The following KCND3 variants were observed in gnomAD, a reference collection of about 807,000 sequenced individuals.
The protein encoded by KCND3 is potassium voltage-gated channel subfamily D member 3, also known as A-type voltage-gated potassium channel KCND3.
A neutral mutation model predicts 51.1 loss-of-function variants in KCND3; 9 were observed. The observed-to-expected ratio is 0.18, with a 90% CI of 0.11 to 0.31. KCND3 has a LOEUF of 0.31. Ranked by LOEUF, KCND3 falls within the 10% of genes least tolerant of loss-of-function variation. KCND3 has a pLI of 1.00. For synonymous variants in KCND3, 349 were observed against 368.0 expected, an observed-to-expected ratio of 0.95 and a Z score of 0.59; for missense variants, 526 against 903.8, an observed-to-expected ratio of 0.58 and a Z score of 5.36.
intron 2 of KCND3, among the ~76,000 whole-genome samples, chr1:111,825,075 A>G (rs1445244461): frequency 1.3e-5 from 2 of 152,230 alleles, no homozygotes; most frequent in African/African-American, 2.4e-5. Context: ...TGGTATCACT[A>G]GAAAGATTGA....
At chr1:111,827,735 A>G (rs1428771009) in intron 2 of KCND3, among the ~76,000 whole-genome samples, 1 of 152,178 alleles carries the variant, frequency 6.6e-6, no homozygotes, top group South Asian at 2.1e-4. Context: ...CAAAGTCTGT[A>G]TATTATCTTC....
chr1:111,783,133 C>T (rs1664455232), intron 3 of KCND3, among the ~76,000 whole-genome samples: 1 of 149,640 alleles, frequency 6.7e-6, no homozygotes, highest in Non-Finnish European at 1.5e-5. Context: ...TCACCCTCTT[C>T]CATGGCCTTA....
intron 2 of KCND3, among the ~76,000 whole-genome samples, chr1:111,861,565 C>T (rs545216698): frequency 1.3e-4 from 20 of 152,220 alleles, no homozygotes; most frequent in African/African-American, 4.1e-4. Flanking sequence ...CCTGTGTTTA[C>T]GGAGGGAAGC....
chr1:111,780,600 G>T lies in KCND3; in HGVS notation c.1371+90C>A. The T allele has an allele frequency of 2.6e-6, 3 of 1,156,428 alleles. No individual in the cohort carries two copies. Among genetic ancestry groups the T allele is most frequent in the Non-Finnish European group, 2.5e-6 (2 of 787,334 alleles). 71.6% of individuals were successfully genotyped at this position (1,156,428 alleles called of 1,614,324 possible). A position where few individuals can be genotyped will look rare whatever the true frequency, so the allele number is the denominator to read the frequency against. On this transcript the variant is annotated intron_variant, in intron 4 of 7. Coordinates refer to ENST00000302127, the MANE Select transcript of KCND3 (RefSeq NM_001378969.1). The surrounding 1 kb of genome is among the most constrained non-coding windows in gnomAD (Gnocchi z 4.2). Reference sequence around the variant, plus strand: ...TGTCCTCCTTGGGGTTCATACTGGGGCTCTGGTGAGAGTGCTGGTGTCCCG... The same window carrying T: ...TGTCCTCCTTGGGGTTCATACTGGGTCTCTGGTGAGAGTGCTGGTGTCCCG...
At chr1:111,798,376 T>C (rs1665151489) in intron 2 of KCND3, among the ~76,000 whole-genome samples, 2 of 152,102 alleles carry the variant, frequency 1.3e-5, no homozygotes, top group South Asian at 4.2e-4. Context: ...TTCCCTGACT[T>C]CCCCAGGCAG....
intron 2 of KCND3, among the ~76,000 whole-genome samples, chr1:111,899,864 G>A (rs1358902432): frequency 6.6e-6 from 1 of 152,150 alleles, no homozygotes; most frequent in Non-Finnish European, 1.5e-5. Context: ...ATACTCACAA[G>A]CAGATTCCTG....
At chr1:111,881,637 C>A (rs372175579) in intron 2 of KCND3, among the ~76,000 whole-genome samples, 13 of 152,154 alleles carry the variant, frequency 8.5e-5, no homozygotes, top group African/African-American at 2.9e-4. Context: ...CATGGGAGTC[C>A]GGGGCAGCCC....
rs558761825 is a variant in KCND3 at position 111,924,581 on chromosome 1, G to T, written c.1106+57040C>A. Among the ~76,000 whole-genome samples the T allele has an allele frequency of 5.9e-5, 9 of 152,298 alleles. No homozygotes were observed. In the South Asian group the frequency reaches 1.9e-3, roughly 32 times the overall value. On this transcript the variant is annotated intron_variant, in intron 2 of 7. Transcript: ENST00000302127. ...AGCCATCCCAGCACAATGGCCAAAG[G>T]TCCCTCATACTTAGAAAATGCCTCC...
intron 1 of KCND3, among the ~76,000 whole-genome samples, chr1:111,984,817 C>T (rs1341915722): frequency 6.6e-6 from 1 of 152,108 alleles, no homozygotes; most frequent in Non-Finnish European, 1.5e-5. Flanking sequence ...TATCCTTCCC[C>T]TGGACCCCTC....
At chr1:111,965,663 C>T (rs1400584522) in intron 2 of KCND3, among the ~76,000 whole-genome samples, 2 of 152,158 alleles carry the variant, frequency 1.3e-5, no homozygotes, top group African/African-American at 4.8e-5. Flanking sequence ...CCCCTTGCAG[C>T]CCCTATCTGG....
At chr1:111,963,895 G>A (rs1673815147) in intron 2 of KCND3, among the ~76,000 whole-genome samples, 1 of 152,180 alleles carries the variant, frequency 6.6e-6, no homozygotes, top group Non-Finnish European at 1.5e-5. Context: ...AGGGCTTCCT[G>A]CCTAAGCAAA....
intron 2 of KCND3, among the ~76,000 whole-genome samples, chr1:111,800,823 T>C (rs1484120498): frequency 4.6e-5 from 7 of 152,250 alleles, no homozygotes; most frequent in African/African-American, 1.7e-4. Flanking sequence ...GGAGCCATGC[T>C]GGCAGGTAGA....
intron 1 of KCND3, among the ~76,000 whole-genome samples, chr1:111,988,504 G>T (rs1227180553): frequency 6.6e-6 from 1 of 152,154 alleles, no homozygotes; most frequent in East Asian, 1.9e-4. Flanking sequence ...TTCCCTTCCT[G>T]TGTGCCAACA....
chr1:111,982,124 C>T lies in KCND3; in HGVS notation c.603G>A (p.Val201=). Residue 201 remains valine, a synonymous_variant, in exon 2 of 8, where the codon GTG becomes GTA. Coordinates refer to ENST00000302127, the MANE Select transcript of KCND3 (RefSeq NM_001378969.1). This position sits in a 1 kb window ranked among gnomAD's most constrained non-coding sequence, Gnocchi z 8.5. The stretch of plus-strand genomic sequence containing the variant: ...CCGTGCCGCACGGCACCGTCTCCAC[C>T]ACGTTGGTGATGACCGAGACAGCGA... ...FFIAVSVITN[V]VETVPCGTVP... 2 of 1,613,912 alleles carry T rather than the reference C, an allele frequency of 1.2e-6. No homozygotes were observed. Among genetic ancestry groups the T allele is most frequent in the Non-Finnish European group, 1.7e-6 (2 of 1,180,008 alleles).
chr1:111,987,458 A>G (rs1002645501), intron 1 of KCND3, among the ~76,000 whole-genome samples: 2 of 152,152 alleles, frequency 1.3e-5, no homozygotes, highest in Non-Finnish European at 2.9e-5. Context: ...CCCCTGGTAA[A>G]ACATACCAAA....
At chr1:111,861,612 A>T (rs1343196833) in intron 2 of KCND3, among the ~76,000 whole-genome samples, 2 of 152,242 alleles carry the variant, frequency 1.3e-5, no homozygotes, top group East Asian at 3.9e-4. Flanking sequence ...GTGGAAGAGA[A>T]CATGTCACCC....
chr1:111,925,321 G>A (rs926106212), intron 2 of KCND3, among the ~76,000 whole-genome samples: 2 of 152,174 alleles, frequency 1.3e-5, no homozygotes, highest in Non-Finnish European at 2.9e-5. Flanking sequence ...GAGCACTAAG[G>A]GGTTATGGGA....
At chr1:111,951,884 C>G (rs550853523) in intron 2 of KCND3, among the ~76,000 whole-genome samples, 1 of 152,274 alleles carries the variant, frequency 6.6e-6, no homozygotes, top group South Asian at 2.1e-4. Context: ...GGAGAAGCAA[C>G]AGCAGAGGGT....
chr1:111,779,711 T>TG (rs71580589), intron 5 of KCND3, among the ~76,000 whole-genome samples: 6 of 16,392 alleles, frequency 3.7e-4, no homozygotes, highest in East Asian at 1.4e-3. Flanking sequence ...GGGGTGGGGG[T>TG]GGGGGGGCGG....
Sources: allele counts gnomAD v4.1 joint callset (sites outside exome capture counted in the v4.1 genomes callset), GRCh38; gene constraint gnomAD v4.1.1; non-coding constraint Gnocchi (gnomAD v3.1); transcripts MANE v1.5; gene names NCBI Gene and HGNC (gene_info 2026-07-23, HGNC 2026-07-21).